SLC17A2: variants seen among roughly 807,000 people sequenced by gnomAD.
SLC17A2 encodes the protein sodium-dependent phosphate transport protein 3.
In SLC17A2, 38 loss-of-function variants were observed where a neutral mutation model predicts 52.1. The observed-to-expected ratio is 0.73, with a 90% CI of 0.56 to 0.96. The LOEUF is 0.96. Ranked by LOEUF, SLC17A2 falls within the 40% of genes least tolerant of loss-of-function variation. SLC17A2 has a pLI of 0.00. For synonymous variants in SLC17A2, 226 were observed against 211.9 expected (o/e 1.07, Z -0.58); for missense variants, 508 against 583.9 (o/e 0.87, Z 1.34).
rs781550225 is a variant in SLC17A2, at chr6:25,915,876, A to G, written c.931-8T>C. ...GGAGGACAGAACTCCACTCTGAAGG[A>G]AGGAAGTTTATACAGAGTAGTTATA... On this transcript the variant is annotated splice_region_variant and splice_polypyrimidine_tract_variant and intron_variant, in intron 8 of 11. Coordinates refer to ENST00000377850, the MANE Select transcript of SLC17A2 (RefSeq NM_001286123.3). The G allele has an allele frequency of 1.9e-6, 3 of 1,612,878 alleles. No homozygotes were observed. Among genetic ancestry groups the G allele is most frequent in the Non-Finnish European group, 2.5e-6 (3 of 1,179,622 alleles).
chr6:25,918,867 A>G (rs1766430069), intron 5 of SLC17A2, among the ~76,000 whole-genome samples: 1 of 152,162 alleles, frequency 6.6e-6, no homozygotes, highest in African/African-American at 2.4e-5. Flanking sequence ...GCCCATTAGC[A>G]TTTTCTTGTG....
chr6:25,925,531 C>T (rs1016272663), intron 2 of SLC17A2, among the ~76,000 whole-genome samples: 17 of 148,284 alleles, frequency 1.1e-4, no homozygotes, highest in African/African-American at 4.2e-4. Flanking sequence ...AAAAAAAAGA[C>T]TTTCCCAAAA....
At chr6:25,917,720 T>C (rs1766382340) in intron 6 of SLC17A2, among the ~76,000 whole-genome samples, 1 of 152,230 alleles carries the variant, frequency 6.6e-6, no homozygotes, top group Non-Finnish European at 1.5e-5. Context: ...TAGAAAATTG[T>C]CTTATTATTG....
chr6:25,921,176 T>C lies in SLC17A2; in HGVS notation c.474+3A>G, dbSNP rs1335803373. ...CACCAAGAATGAGAAAGTATCTGGA[T>C]ACCTGGGCCATGCCCTGGACTGTCC... On this transcript the variant is annotated splice_donor_region_variant and intron_variant, in intron 4 of 11. Transcript: ENST00000377850. 1.1e-5 allele frequency: 17 copies of C among 1,613,536 alleles called. No homozygotes were observed. The highest frequency in any genetic ancestry group is 1.4e-5 in the Non-Finnish European group (17 of 1,179,568).
intron 6 of SLC17A2, 95 bp from the exon 7 acceptor site, chr6:25,917,182 T>A: frequency 1.2e-6 from 1 of 803,996 alleles, no homozygotes; most frequent in Non-Finnish European, 2.2e-6. Flanking sequence ...TTCTACACAC[T>A]AATCAATTAA....
intron 2 of SLC17A2, among the ~76,000 whole-genome samples, chr6:25,924,517 A>G (rs1399343411): frequency 6.6e-6 from 1 of 152,066 alleles, no homozygotes; most frequent in African/African-American, 2.4e-5. Context: ...TTAAAAAAAA[A>G]AAAAAACTAC....
Position 25,913,251 on chromosome 6 carries a change from A to G in SLC17A2, c.*66T>C. Reference sequence around the variant, plus strand: ...GCTGAGTCTATGGTCAGGAATATGGAGAGAAGTAAAAAATGTTTAAAAAGT... The same window carrying G: ...GCTGAGTCTATGGTCAGGAATATGGGGAGAAGTAAAAAATGTTTAAAAAGT... On this transcript the variant is annotated 3_prime_UTR_variant, in exon 12 of 12. Coordinates refer to ENST00000377850, the MANE Select transcript of SLC17A2 (RefSeq NM_001286123.3). The G allele has an allele frequency of 6.4e-7, 1 of 1,558,572 alleles. No individual in the cohort carries two copies. Among genetic ancestry groups the G allele is most frequent in the Non-Finnish European group, 8.9e-7 (1 of 1,129,880 alleles).
At position 25,916,841 on chromosome 6, in the gene SLC17A2, A is replaced by T; in HGVS notation, c.774T>A (p.Ser258Arg). The change falls in exon 8 of 12, where the codon AGT becomes AGA. Residue 258 changes from serine to arginine, a missense_variant. Ser to Arg is a moderately radical substitution (Grantham distance 110). Coordinates refer to ENST00000377850, the MANE Select transcript of SLC17A2 (RefSeq NM_001286123.3). The part of the protein sequence containing the change: ...HILSSLAQQP[S>R]SPGRAVPIKA... The stretch of plus-strand genomic sequence containing the variant: ...TTATGGGGACAGCTCGTCCAGGAGA[A>T]CTGGGCTGAAAAGAAAGATCTAATC... 6.2e-7 allele frequency: 1 copy of T among 1,614,128 alleles called. No homozygotes were observed. Among genetic ancestry groups the T allele is most frequent in the Non-Finnish European group, 8.5e-7 (1 of 1,180,022 alleles).
chr6:25,925,836 G>C lies in SLC17A2; in HGVS notation c.-40C>G. On this transcript the variant is annotated 5_prime_UTR_variant, in exon 2 of 12. Coordinates refer to ENST00000377850, the MANE Select transcript of SLC17A2 (RefSeq NM_001286123.3). Reference sequence around the variant, plus strand: ...AAATGGTACCACGCTTTGTGGTGGAGTTTCCCTGTGCCCTGAATCTCTTTT... The same window carrying C: ...AAATGGTACCACGCTTTGTGGTGGACTTTCCCTGTGCCCTGAATCTCTTTT... 6.2e-7 allele frequency: 1 copy of C among 1,608,326 alleles called. No individual in the cohort carries two copies. The highest frequency in any genetic ancestry group is 8.5e-7 in the Non-Finnish European group (1 of 1,174,648).
intron 1 of SLC17A2, among the ~76,000 whole-genome samples, chr6:25,926,165 G>GA: frequency 6.6e-6 from 1 of 152,268 alleles, no homozygotes; most frequent in Admixed American, 6.5e-5. Context: ...AGAATTAAAT[G>GA]AAAAATTGCA....
In SLC17A2 at chr6:25,915,764, GATCA is replaced by G; in HGVS notation, c.1031_1034del (p.Leu344SerfsTer30). 1.2e-6 allele frequency: 2 copies of G among 1,614,164 alleles called. No individual in the cohort carries two copies. Among genetic ancestry groups the G allele is most frequent in the Non-Finnish European group, 8.5e-7 (1 of 1,180,024 alleles). The stretch of plus-strand genomic sequence containing the variant: ...GAGATGAAAAGAGCTTTCGCACAGT[GATCA>G]ATCTGAGAAGATTCCTGGACAAAAG... On this transcript the variant is annotated frameshift_variant, in exon 9 of 12. Coordinates refer to ENST00000377850, the MANE Select transcript of SLC17A2 (RefSeq NM_001286123.3). LOFTEE classifies it high-confidence loss of function.
intron 6 of SLC17A2, among the ~76,000 whole-genome samples, chr6:25,917,756 A>G (rs978407696): frequency 2.6e-5 from 4 of 152,228 alleles, no homozygotes; most frequent in African/African-American, 9.6e-5. Context: ...AGAACATTCT[A>G]TGTTAAAAGA....
At chr6:25,916,384 C>A (rs1766318755) in intron 8 of SLC17A2, among the ~76,000 whole-genome samples, 1 of 152,072 alleles carries the variant, frequency 6.6e-6, no homozygotes, top group African/African-American at 2.4e-5. Context: ...CCTGGCCCAG[C>A]AATATTATTT....
At chr6:25,929,965 G>A (rs1389982367) in intron 1 of SLC17A2, among the ~76,000 whole-genome samples, 1 of 152,126 alleles carries the variant, frequency 6.6e-6, no homozygotes, top group Non-Finnish European at 1.5e-5. Context: ...ATAGGTGCAC[G>A]CGCCGCTACG....
chr6:25,915,943 C>T, intron 8 of SLC17A2, 75 bp from the exon 9 acceptor site: 1 of 1,412,014 alleles, frequency 7.1e-7, no homozygotes, highest in Admixed American at 2.0e-5. Context: ...CACAGACCAG[C>T]CATTAACTTA....
In SLC17A2 at chr6:25,915,512, C is replaced by T; in HGVS notation, c.1198G>A (p.Asp400Asn). The T allele has an allele frequency of 6.4e-7, 1 of 1,553,248 alleles. No homozygotes were observed. Among genetic ancestry groups the T allele is most frequent in the Non-Finnish European group, 8.7e-7 (1 of 1,148,550 alleles). Residue 400 changes from aspartate to asparagine, a missense_variant, in exon 10 of 12, where the codon GAT becomes AAT. Asp to Asn is a conservative substitution (Grantham distance 23). Coordinates refer to ENST00000377850, the MANE Select transcript of SLC17A2 (RefSeq NM_001286123.3). ...CDSGFIINTLDIAPRYASFLM... is the reference protein window; with the variant it reads ...CDSGFIINTLNIAPRYASFLM... Reference sequence around the variant, plus strand: ...TAGAGCTCTTACCTGGGGGCGATATCTAAGGTGTTGATGATAAACCCTGAG... The same window carrying T: ...TAGAGCTCTTACCTGGGGGCGATATTTAAGGTGTTGATGATAAACCCTGAG...
In SLC17A2 at chr6:25,923,901, C is replaced by G; in HGVS notation, c.34G>C (p.Asp12His). ...DGKPATRKGP[D>H]FCSLRYGLAL... ...AGCCCATAGCGTAATGAACAGAAAT[C>G]TGGACCTAGACAACAACACAGATGT... Residue 12 changes from aspartate to histidine, a missense_variant, in exon 3 of 12, where the codon GAT becomes CAT. Physicochemically the swap from Asp to His is moderately conservative, Grantham distance 81. Coordinates refer to ENST00000377850, the MANE Select transcript of SLC17A2 (RefSeq NM_001286123.3). The G allele has an allele frequency of 1.2e-6, 2 of 1,613,762 alleles. No homozygotes were observed. The highest frequency in any genetic ancestry group is 8.5e-7 in the Non-Finnish European group (1 of 1,179,880).
intron 3 of SLC17A2, among the ~76,000 whole-genome samples, chr6:25,922,473 G>A (rs1394801955): frequency 1.3e-5 from 2 of 152,208 alleles, no homozygotes; most frequent in Non-Finnish European, 2.9e-5. Context: ...GTGCTGAGAA[G>A]CAGGCCCAAA....
chr6:25,919,651 G>A (rs1246116684), intron 5 of SLC17A2, among the ~76,000 whole-genome samples: 1 of 123,082 alleles, frequency 8.1e-6, no homozygotes, highest in East Asian at 2.8e-4. Flanking sequence ...AGTGAGCCGA[G>A]ATAGCGCTAC....
Sources: allele counts gnomAD v4.1 joint callset (sites outside exome capture counted in the v4.1 genomes callset), GRCh38; gene constraint gnomAD v4.1.1; transcripts MANE v1.5; gene names NCBI Gene and HGNC (gene_info 2026-07-23, HGNC 2026-07-21).